CFAP46: variants seen among roughly 807,000 people sequenced by gnomAD.
The protein encoded by CFAP46 is cilia and flagella associated protein 46, also known as cilia- and flagella-associated protein 46.
Under a neutral mutation model 325.7 loss-of-function variants are expected in CFAP46, and 245 were observed. The ratio of observed to expected loss-of-function variants is 0.75; its 90% CI spans 0.68 to 0.84. CFAP46 has a LOEUF of 0.84. Among genes scored for constraint, CFAP46 ranks in the 40% least tolerant of loss-of-function variants. CFAP46 has a pLI of 0.00. For missense variants in CFAP46, 3,346 were observed against 3,543.0 expected, an observed-to-expected ratio of 0.94 and a Z score of 1.41; for synonymous variants, 1,523 against 1,495.9, an observed-to-expected ratio of 1.02 and a Z score of -0.42.
rs1443855602 is a variant in CFAP46, at chr10:132,919,353, T to C, written c.1820A>G (p.Tyr607Cys). Residue 607 changes from tyrosine (Y) to cysteine (C), a missense_variant, in exon 15 of 58, where the codon TAT (tyrosine) becomes TGT (cysteine). Tyr to Cys is a radical substitution (Grantham distance 194). Coordinates refer to ENST00000368586, the MANE Select transcript of CFAP46 (RefSeq NM_001200049.3). This position sits in a 1 kb window ranked among gnomAD's most constrained non-coding sequence, Gnocchi z 9.7. ...CAACTTCTTCACCTTGACGTTGTCA[T>C]ACAGGAGGCAGAAGCGGCTCGCCGT... ...CRTASRFCLL[Y>C]DNVKVKKLRL... The C allele has an allele frequency of 1.9e-6, 3 of 1,549,946 alleles. No individual in the cohort carries two copies. The highest frequency in any genetic ancestry group is 2.6e-6 in the Non-Finnish European group (3 of 1,146,862).
chr10:132,890,596 C>T (rs934035655), intron 25 of CFAP46, among the ~76,000 whole-genome samples: 3 of 152,168 alleles, frequency 2.0e-5, no homozygotes, highest in African/African-American at 4.8e-5. Flanking sequence ...AGACCCTGCG[C>T]TCTTCCACAC....
At position 132,876,076 on chromosome 10, in the gene CFAP46, G is replaced by A. The variant is rs1293686241; in HGVS notation, c.4362+736C>T. ...ACAGCCTGGAGGGCACATCACAAAA[G>A]AGGACCTCCAAGGATAGGAAGCACT... is the stretch of plus-strand genomic sequence containing the variant. On this transcript the variant is annotated intron_variant, in intron 31 of 57. Transcript: ENST00000368586. The surrounding 1 kb of genome is among the most constrained non-coding windows in gnomAD (Gnocchi z 4.1). Among the ~76,000 whole-genome samples, 2 of 152,248 alleles carry A rather than the reference G, an allele frequency of 1.3e-5. No homozygotes were observed. Among genetic ancestry groups the A allele is most frequent in the African/African-American group, 4.8e-5 (2 of 41,472 alleles).
rs1373264209 is a variant in CFAP46 at position 132,899,124 on chromosome 10, A to G, written c.3057-3T>C. On this transcript the variant is annotated splice_region_variant and splice_polypyrimidine_tract_variant and intron_variant, in intron 23 of 57. Coordinates refer to ENST00000368586, the MANE Select transcript of CFAP46 (RefSeq NM_001200049.3). ...TGCTGCCCGCGATGCCTCCGAACCT[A>G]AAAGAGGGCAGGTCATGACGCGGTG... is the stretch of plus-strand genomic sequence containing the variant. 1.3e-6 allele frequency: 2 copies of G among 1,548,270 alleles called. No individual in the cohort carries two copies. Among genetic ancestry groups the G allele is most frequent in the East Asian group, 4.9e-5 (2 of 40,896 alleles).
intron 50 of CFAP46, among the ~76,000 whole-genome samples, chr10:132,816,856 G>A (rs577067518): frequency 9.9e-5 from 15 of 152,236 alleles, no homozygotes; most frequent in East Asian, 5.8e-4. Context: ...GTCTGCCTTC[G>A]GGAACTGCTT....
chr10:132,940,959 CCAGT>C (rs1564807759), intron 4 of CFAP46, 33 bp downstream of exon 4: 1 of 1,599,680 alleles, frequency 6.3e-7, no homozygotes, highest in Non-Finnish European at 8.6e-7. Flanking sequence ...AGTCTTTCAC[CCAGT>C]CAGTGAGAAA....
chr10:132,885,208 G>A lies in CFAP46; in HGVS notation c.3522C>T (p.Ala1174=), dbSNP rs1234091386. Residue 1174 remains alanine, a synonymous_variant, in exon 27 of 58, where the codon GCC becomes GCT. Coordinates refer to ENST00000368586, the MANE Select transcript of CFAP46 (RefSeq NM_001200049.3). ...NFSMEIQKFK[A]ESEDYLARMW... ...TGCGCGCCAAGTAGTCCTCACTCTC[G>A]GCCTTGAATTTCTGTATTTCCATCG... The A allele has an allele frequency of 1.9e-5, 29 of 1,550,326 alleles. No individual in the cohort carries two copies. The highest frequency in any genetic ancestry group is 4.9e-5 in the East Asian group (2 of 40,920).
intron 11 of CFAP46, 147 bp from the exon 12 acceptor site, chr10:132,922,855 A>T: frequency 1.5e-6 from 1 of 660,668 alleles, no homozygotes; most frequent in Non-Finnish European, 2.6e-6. Flanking sequence ...CCATCCTTCC[A>T]GTGATGTCCC....
chr10:132,813,036 C>T (rs1012286012), intron 54 of CFAP46, 139 bp from the exon 55 acceptor site: 6 of 645,706 alleles, frequency 9.3e-6, no homozygotes, highest in Non-Finnish European at 1.6e-5. Flanking sequence ...CTTTCATGTT[C>T]CTAATGCCCA....
intron 16 of CFAP46, 144 bp from the exon 17 acceptor site, chr10:132,916,826 G>C (rs1204471480): frequency 8.3e-7 from 1 of 1,207,962 alleles, no homozygotes; most frequent in South Asian, 1.9e-5. Flanking sequence ...CCCTTTGCAA[G>C]CTGGGCCTGC....
rs200941339 is a variant in CFAP46, at chr10:132,880,922, G to C, written c.3738C>G (p.Val1246=). The stretch of plus-strand genomic sequence containing the variant: ...GCGGCTTCATGGCCAGCAGGATCTC[G>C]ACAGCCCAGCGGAGGTGGAAGACCA... ...EDVVFHLRWA[V]EILLAMKPPG... is the part of the protein sequence containing the mutation. The change falls in exon 28 of 58, where the codon GTC becomes GTG. Residue 1246 remains valine, a synonymous_variant. Coordinates refer to ENST00000368586, the MANE Select transcript of CFAP46 (RefSeq NM_001200049.3). 2 of 1,550,348 alleles carry C rather than the reference G, an allele frequency of 1.3e-6. No homozygotes were observed. Among genetic ancestry groups the C allele is most frequent in the South Asian group, 1.2e-5 (1 of 84,060 alleles).
At position 132,937,377 on chromosome 10, in the gene CFAP46, T is replaced by C. The variant is rs545258690; in HGVS notation, c.660+175A>G. 2.1e-5 allele frequency: 15 copies of C among 719,362 alleles called. No individual in the cohort carries two copies. In the East Asian group the frequency reaches 3.3e-4, roughly 16 times the overall value. 44.6% of individuals were successfully genotyped at this position (719,362 alleles called of 1,614,324 possible). A position where few individuals can be genotyped will look rare whatever the true frequency, so the allele number is the denominator to read the frequency against. On this transcript the variant is annotated intron_variant, in intron 6 of 57. Transcript: ENST00000368586. ...TAAATGTCACAGTTCTATACATCTT[T>C]GCATTGGATGAACTGCTATTTCTTT...
rs575993580 is a variant in CFAP46, at chr10:132,809,197, G to A, written c.7665-293C>T. On this transcript the variant is annotated intron_variant, in intron 57 of 57. Coordinates refer to ENST00000368586, the MANE Select transcript of CFAP46 (RefSeq NM_001200049.3). ...GAGCTGCTCTGCTGGGGGGGCGCCC[G>A]TCTAGAGTGTGGCTGCGGCCTTGCA... Among the ~76,000 whole-genome samples the A allele has an allele frequency of 3.9e-5, 6 of 152,328 alleles. No homozygotes were observed. In the South Asian group the frequency reaches 6.2e-4, roughly 16 times the overall value.
In CFAP46 at chr10:132,940,977, C is replaced by T. The variant is rs1273813945; in HGVS notation, c.371+19G>A. On this transcript the variant is annotated intron_variant, in intron 4 of 57. Coordinates refer to ENST00000368586, the MANE Select transcript of CFAP46 (RefSeq NM_001200049.3). ...CTTTCACCCAGTCAGTGAGAAACGG[C>T]CACTTCAATTTTGCCTACCTCGGTT... 2 of 1,613,428 alleles carry T rather than the reference C, an allele frequency of 1.2e-6. No individual in the cohort carries two copies. Among genetic ancestry groups the T allele is most frequent in the Non-Finnish European group, 1.7e-6 (2 of 1,179,348 alleles).
chr10:132,890,296 C>G (rs998694193), intron 25 of CFAP46, among the ~76,000 whole-genome samples: 1 of 152,212 alleles, frequency 6.6e-6, no homozygotes, highest in African/African-American at 2.4e-5. Context: ...GTGCCCTGAT[C>G]CACATCTCTG....
Position 132,924,831 on chromosome 10 carries a change from A to G in CFAP46, c.1121T>C (p.Leu374Pro). 1 of 1,451,530 alleles carries G rather than the reference A, an allele frequency of 6.9e-7. No homozygotes were observed. Among genetic ancestry groups the G allele is most frequent in the African/African-American group, 1.5e-5 (1 of 67,862 alleles). 89.9% of individuals were successfully genotyped at this position (1,451,530 alleles called of 1,614,324 possible). ...CACGTGGATGACCCGGGGGTCGCCC[A>G]GGCGCACGGCTCGCTGCAGCGCGAC... The part of the protein sequence containing the change: ...LDVALQRAVR[L>P]GDPRVIHVVC... The change falls in exon 11 of 58, where the codon CTG (leucine) becomes CCG (proline). Residue 374 changes from leucine to proline, a missense_variant. Physicochemically the swap from Leu to Pro is moderately conservative, Grantham distance 98 (BLOSUM62 -3). Coordinates refer to ENST00000368586, the MANE Select transcript of CFAP46 (RefSeq NM_001200049.3).
rs1044806197 is a variant in CFAP46 at position 132,885,968 on chromosome 10, G to T, written c.3305-9C>A. 1.3e-6 allele frequency: 2 copies of T among 1,548,944 alleles called. No homozygotes were observed. The highest frequency in any genetic ancestry group is 2.7e-5 in the African/African-American group (2 of 73,012). Reference sequence around the variant, plus strand: ...CAGGTCGTCCTCAGCCCCTGGGAGGGAGAAGGAGGGGTGTCCTTGGAGCCG... The same window carrying T: ...CAGGTCGTCCTCAGCCCCTGGGAGGTAGAAGGAGGGGTGTCCTTGGAGCCG... On this transcript the variant is annotated splice_polypyrimidine_tract_variant and intron_variant, in intron 25 of 57. Transcript: ENST00000368586.
chr10:132,837,062 G>GA (rs934339285), intron 44 of CFAP46, 148 bp from the exon 45 acceptor site: 1 of 617,240 alleles, frequency 1.6e-6, no homozygotes, highest in Non-Finnish European at 2.8e-6. Context: ...TTGGGGTGGG[G>GA]GGCCCTGCTG....
At chr10:132,887,812 CCCT>C (rs1196955643) in intron 25 of CFAP46, among the ~76,000 whole-genome samples, 2 of 95,990 alleles carry the variant, frequency 2.1e-5, no homozygotes, top group African/African-American at 9.5e-5. Flanking sequence ...CTCTCCTCTC[CCCT>C]CTTCTCTCCT....
Position 132,821,126 on chromosome 10 carries a change from T to A in CFAP46, c.7118-6212A>T, listed in dbSNP as rs111210375. Among the ~76,000 whole-genome samples, 525 of 71,786 alleles carry A rather than the reference T, an allele frequency of 7.3e-3. 5 individuals are homozygous for A. Among genetic ancestry groups the A allele is most frequent in the Admixed American group, 0.012 (57 of 4,614 alleles). The allele number at this position is 71,786 out of a possible 152,430, so 47.1% of individuals were successfully genotyped here. A position where few individuals can be genotyped will look rare whatever the true frequency, so the allele number is the denominator to read the frequency against. The stretch of plus-strand genomic sequence containing the variant: ...TGTGTGTGCTGATGTGTGCTGTGTG[T>A]GTGCTGATGTGTGCTGTGTGAGTGC... On this transcript the variant is annotated intron_variant, in intron 50 of 57. Transcript: ENST00000368586.
Sources: gnomAD v4.1 joint callset for allele counts (sites outside exome capture counted in the v4.1 genomes callset) on GRCh38, gnomAD v4.1.1 for gene constraint, Gnocchi (gnomAD v3.1) non-coding constraint, MANE v1.5 for transcripts, NCBI Gene and HGNC (gene_info 2026-07-23, HGNC 2026-07-21) for gene names.